The following EPHB1 variants were observed in gnomAD, a reference collection of about 807,000 sequenced individuals.
EPHB1 encodes the protein EPH receptor B1.
In EPHB1, 30 loss-of-function variants were observed where a neutral mutation model predicts 94.4. The observed-to-expected ratio is 0.32, with a 90% CI of 0.24 to 0.43. The LOEUF is 0.43. Ranked by LOEUF, EPHB1 falls within the 20% of genes least tolerant of loss-of-function variation. EPHB1 has a pLI of 1.00. For missense variants in EPHB1, 1,055 were observed against 1,308.3 expected, an observed-to-expected ratio of 0.81 and a Z score of 2.99; for synonymous variants, 522 against 489.1, an observed-to-expected ratio of 1.07 and a Z score of -0.89.
At chr3:134,853,964 G>A (rs751087276) in intron 1 of EPHB1, among the ~76,000 whole-genome samples, 8 of 152,098 alleles carry the variant, frequency 5.3e-5, no homozygotes, top group Non-Finnish European at 1.0e-4. Flanking sequence ...ATCATCCTTC[G>A]CTGCAACCAC....
intron 4 of EPHB1, among the ~76,000 whole-genome samples, chr3:135,132,240 A>T (rs1940445122): frequency 6.6e-6 from 1 of 152,172 alleles, no homozygotes. Flanking sequence ...CACCAGATAG[A>T]TCCCAAATGT....
chr3:135,095,465 T>G (rs1938722625), intron 3 of EPHB1, among the ~76,000 whole-genome samples: 1 of 152,200 alleles, frequency 6.6e-6, no homozygotes, highest in South Asian at 2.1e-4. Flanking sequence ...CTGCTGAATC[T>G]TCCTGTAAAT....
At chr3:135,190,166 A>G (rs936041328) in intron 10 of EPHB1, among the ~76,000 whole-genome samples, 2 of 152,160 alleles carry the variant, frequency 1.3e-5, no homozygotes, top group African/African-American at 2.4e-5. Flanking sequence ...CAGTTTCCTT[A>G]TTATTTAAAT....
At chr3:134,885,593 A>G (rs1475262333) in intron 1 of EPHB1, among the ~76,000 whole-genome samples, 5 of 152,170 alleles carry the variant, frequency 3.3e-5, no homozygotes, top group African/African-American at 9.7e-5. Context: ...TAGCTGTATA[A>G]CTCCCTAAAC....
rs192026488 is a variant in EPHB1, at chr3:134,864,596, C to A, written c.59-61220C>A. On this transcript the variant is annotated intron_variant, in intron 1 of 15. Transcript: ENST00000398015. Reference sequence around the variant, plus strand: ...GTCAGAGTAAAAAGACATCAGTGAACCTGAAGGAGGGAAATGAATTATTTT... The same window carrying A: ...GTCAGAGTAAAAAGACATCAGTGAAACTGAAGGAGGGAAATGAATTATTTT... Among the ~76,000 whole-genome samples the A allele has an allele frequency of 8.8e-3, 1,337 of 152,250 alleles. 10 individuals carry two copies. The highest frequency in any genetic ancestry group is 0.013 in the Non-Finnish European group (887 of 68,032).
intron 11 of EPHB1, among the ~76,000 whole-genome samples, chr3:135,193,967 A>G (rs1260818408): frequency 6.6e-6 from 1 of 152,126 alleles, no homozygotes; most frequent in East Asian, 1.9e-4. Context: ...GAATTGTCTG[A>G]AGCCTCTTTC....
Position 135,080,249 on chromosome 3 carries a change from C to T in EPHB1, c.806-26199C>T, listed in dbSNP as rs1477593719. On this transcript the variant is annotated intron_variant, in intron 3 of 15. Transcript: ENST00000398015. The stretch of plus-strand genomic sequence containing the variant: ...TGTGATGCACTCTGCAGGGCAAAAT[C>T]ATGGGCTCAGAATGAGGCTTCACAG... Among the ~76,000 whole-genome samples, 7 of 152,172 alleles carry T rather than the reference C, an allele frequency of 4.6e-5. 1 individual carries two copies. Among genetic ancestry groups the T allele is most frequent in the Admixed American group, 4.6e-4 (7 of 15,266 alleles).
At chr3:134,811,242 GTTT>G (rs397966930) in intron 1 of EPHB1, among the ~76,000 whole-genome samples, 11 of 73,896 alleles carry the variant, frequency 1.5e-4, no homozygotes, top group Middle Eastern at 0.012. Context: ...TACTAAGAAG[GTTT>G]TTTTTTTTTT....
At chr3:134,968,026 G>A (rs1933830091) in intron 3 of EPHB1, among the ~76,000 whole-genome samples, 1 of 152,216 alleles carries the variant, frequency 6.6e-6, no homozygotes, top group African/African-American at 2.4e-5. Context: ...GAGTCCATTT[G>A]CCATGCAACT....
At chr3:134,828,856 T>G (rs2036532311) in intron 1 of EPHB1, among the ~76,000 whole-genome samples, 1 of 152,164 alleles carries the variant, frequency 6.6e-6, no homozygotes, top group East Asian at 1.9e-4. Context: ...AGTTCCTAGT[T>G]AAAAAGATGC....
chr3:135,077,075 T>A (rs1041628921), intron 3 of EPHB1, among the ~76,000 whole-genome samples: 1 of 152,212 alleles, frequency 6.6e-6, no homozygotes, highest in Non-Finnish European at 1.5e-5. Flanking sequence ...TACAATGAAT[T>A]TTATGATATG....
chr3:135,015,892 C>A lies in EPHB1; in HGVS notation c.805+63840C>A, dbSNP rs1015648451. ...GGGAAAGGCATACCAGGAAGAGGACCCAGACAGGACAAAGGCCCTGAGGTG... is the reference window on the plus strand; with the variant it reads ...GGGAAAGGCATACCAGGAAGAGGACACAGACAGGACAAAGGCCCTGAGGTG... On this transcript the variant is annotated intron_variant, in intron 3 of 15. Transcript: ENST00000398015. 5.9e-5 allele frequency among the ~76,000 whole-genome samples: 9 copies of A among 152,066 alleles called. 1 individual carries two copies. The highest frequency in any genetic ancestry group is 5.9e-4 in the Admixed American group (9 of 15,274).
intron 1 of EPHB1, among the ~76,000 whole-genome samples, chr3:134,855,882 C>T (rs903305564): frequency 2.0e-5 from 3 of 152,166 alleles, no homozygotes; most frequent in African/African-American, 7.2e-5. Flanking sequence ...AATCTGCAAG[C>T]AGCCCTATGG....
chr3:134,884,822 C>T (rs1438515819), intron 1 of EPHB1, among the ~76,000 whole-genome samples: 1 of 152,180 alleles, frequency 6.6e-6, no homozygotes, highest in African/African-American at 2.4e-5. Flanking sequence ...AACTGATGAA[C>T]CACAATTGAG....
intron 4 of EPHB1, among the ~76,000 whole-genome samples, chr3:135,124,343 A>G (rs1045370428): frequency 1.3e-5 from 2 of 151,664 alleles, no homozygotes; most frequent in Non-Finnish European, 2.9e-5. Flanking sequence ...TCAGAGCCCT[A>G]TGACTGCTGA....
intron 3 of EPHB1, among the ~76,000 whole-genome samples, chr3:135,040,341 G>A (rs1224772003): frequency 6.6e-6 from 1 of 152,212 alleles, no homozygotes; most frequent in Non-Finnish European, 1.5e-5. Flanking sequence ...AATTTTCTCA[G>A]CCACCCAGAA....
At chr3:134,937,201 C>G (rs1056831083) in intron 2 of EPHB1, among the ~76,000 whole-genome samples, 3 of 152,206 alleles carry the variant, frequency 2.0e-5, no homozygotes, top group Non-Finnish European at 4.4e-5. Context: ...TACTTTTTCT[C>G]AATGGAGGCA....
intron 11 of EPHB1, 120 bp downstream of exon 11, chr3:135,192,943 T>C (rs1942498283): frequency 2.3e-6 from 3 of 1,307,708 alleles, no homozygotes; most frequent in Admixed American, 2.4e-5. Context: ...TGAATGGGCA[T>C]TGGAGATGTT....
chr3:135,113,103 A>G (rs1406162957), intron 4 of EPHB1, among the ~76,000 whole-genome samples: 1 of 152,224 alleles, frequency 6.6e-6, no homozygotes, highest in Non-Finnish European at 1.5e-5. Flanking sequence ...CTTCAGACAA[A>G]GGTCAAAGAT....
Sources: allele counts gnomAD v4.1 joint callset (sites outside exome capture counted in the v4.1 genomes callset), GRCh38; gene constraint gnomAD v4.1.1; transcripts MANE v1.5; gene names NCBI Gene and HGNC (gene_info 2026-07-23, HGNC 2026-07-21).